MSRB3: variants seen among roughly 807,000 people sequenced by gnomAD.
MSRB3 encodes methionine sulfoxide reductase B3, also known as methionine-R-sulfoxide reductase B3.
A neutral mutation model predicts 21.0 loss-of-function variants in MSRB3; 13 were observed. The ratio of observed to expected loss-of-function variants is 0.62; its 90% CI spans 0.40 to 0.98. MSRB3 has a LOEUF of 0.98. Among genes scored for constraint, MSRB3 ranks in the 50% least tolerant of loss-of-function variants. MSRB3 has a pLI of 0.00. For missense variants in MSRB3, 199 were observed against 230.3 expected (o/e 0.86, Z 0.88); for synonymous variants, 87 against 88.6 (o/e 0.98, Z 0.10).
intron 1 of MSRB3, chr12:65,286,200 C>T (rs1872337255): frequency 6.6e-6 from 1 of 152,136 alleles, no homozygotes; most frequent in Non-Finnish European, 1.5e-5. Context: ...TATGGATACT[C>T]TCAGGAAGTT....
chr12:65,415,410 C>A (rs34363757), intron 5 of MSRB3, among the ~76,000 whole-genome samples: 9,785 of 152,162 alleles, frequency 0.064, 428 homozygotes, highest in Non-Finnish European at 0.092. Flanking sequence ...AGATGTTTGA[C>A]AGAAGGCCAT....
chr12:65,315,406 G>A (rs1037592574), intron 2 of MSRB3, among the ~76,000 whole-genome samples: 1 of 151,936 alleles, frequency 6.6e-6, no homozygotes, highest in African/African-American at 2.4e-5. Context: ...CGCGGTGGTC[G>A]TACCTGTAAT....
chr12:65,296,136 A>C (rs975462136), intron 1 of MSRB3, among the ~76,000 whole-genome samples: 1 of 152,246 alleles, frequency 6.6e-6, no homozygotes, highest in African/African-American at 2.4e-5. Flanking sequence ...AGTTGGTCAC[A>C]AAATTTGAAA....
intron 1 of MSRB3, chr12:65,286,567 A>G (rs369994966): frequency 2.6e-5 from 4 of 152,254 alleles, no homozygotes; most frequent in South Asian, 2.1e-4. Flanking sequence ...TATAGCCGTG[A>G]CATGTCTTCT....
chr12:65,430,712 T>C (rs1220104216), intron 5 of MSRB3, among the ~76,000 whole-genome samples: 2 of 152,108 alleles, frequency 1.3e-5, no homozygotes, highest in African/African-American at 4.8e-5. Flanking sequence ...CCTTCAATTC[T>C]TATAGCTTCT....
At position 65,326,920 on chromosome 12, in the gene MSRB3, G is replaced by C. The variant is rs1279954812; in HGVS notation, c.171G>C (p.Glu57Asp). 1 of 1,612,732 alleles carries C rather than the reference G, an allele frequency of 6.2e-7. No individual in the cohort carries two copies. Among genetic ancestry groups the C allele is most frequent in the East Asian group, 2.2e-5 (1 of 44,884 alleles). Residue 57 changes from glutamate (E) to aspartate (D), a missense_variant, in exon 3 of 7, where the codon GAG (glutamate) becomes GAC (aspartate). Transcript: ENST00000308259. ...LTPLQYHVTQ[E>D]KGTESAFEGE... ...CCCTGCAGTACCATGTCACTCAGGA[G>C]AAAGGGACCGAAAGGTAAGGTGAGC... is the stretch of plus-strand genomic sequence containing the variant.
intron 4 of MSRB3, among the ~76,000 whole-genome samples, chr12:65,332,961 G>A (rs1202914732): frequency 2.6e-5 from 4 of 152,060 alleles, no homozygotes; most frequent in Non-Finnish European, 4.4e-5. Flanking sequence ...ATTTTACCAA[G>A]CTAGTTTATT....
intron 6 of MSRB3, among the ~76,000 whole-genome samples, chr12:65,462,791 AGTAAT>A (rs1883387670): frequency 6.6e-6 from 1 of 152,214 alleles, no homozygotes; most frequent in Admixed American, 6.5e-5. Context: ...CAAAGCCAAA[AGTAAT>A]GCCGGGGGAA....
At chr12:65,364,794 A>G (rs1324740443) in intron 4 of MSRB3, among the ~76,000 whole-genome samples, 3 of 152,180 alleles carry the variant, frequency 2.0e-5, no homozygotes, top group Non-Finnish European at 2.9e-5. Flanking sequence ...TCTAATAGGA[A>G]TCTGAATTAA....
chr12:65,379,643 G>A (rs1878831957), intron 5 of MSRB3, among the ~76,000 whole-genome samples: 1 of 152,050 alleles, frequency 6.6e-6, no homozygotes, highest in Non-Finnish European at 1.5e-5. Flanking sequence ...TTTATATGGT[G>A]GCTTTTGCTC....
rs146575458 is a variant in MSRB3, at chr12:65,394,762, G to A, written c.292+25736G>A. ...AGTGTGATTTATCTTAGGAATGCAA[G>A]GTTGGTTTGACATTGAACAGTCTAT... is the stretch of plus-strand genomic sequence containing the variant. On this transcript the variant is annotated intron_variant, in intron 5 of 6. Transcript: ENST00000308259. 1.1e-4 allele frequency among the ~76,000 whole-genome samples: 17 copies of A among 152,298 alleles called. 1 individual carries two copies. The highest frequency in any genetic ancestry group is 3.4e-3 in the Middle Eastern group (1 of 294).
At chr12:65,349,760 GT>G in intron 4 of MSRB3, among the ~76,000 whole-genome samples, 1 of 150,820 alleles carries the variant, frequency 6.6e-6, no homozygotes, top group Admixed American at 6.6e-5. Flanking sequence ...GGGGTTGTTT[GT>G]TTTTTTCTTG....
intron 5 of MSRB3, among the ~76,000 whole-genome samples, chr12:65,441,141 A>C (rs1340064219): frequency 2.6e-5 from 4 of 151,980 alleles, no homozygotes; most frequent in Middle Eastern, 3.4e-3. Flanking sequence ...AACACTCTTC[A>C]TGTGATGACA....
intron 5 of MSRB3, among the ~76,000 whole-genome samples, chr12:65,438,137 T>C (rs1288257074): frequency 1.3e-5 from 2 of 151,896 alleles, no homozygotes; most frequent in Non-Finnish European, 2.9e-5. Context: ...AGCTGAAAAA[T>C]TCTTTCTGAT....
At chr12:65,418,454 T>A (rs1881096819) in intron 5 of MSRB3, among the ~76,000 whole-genome samples, 1 of 152,314 alleles carries the variant, frequency 6.6e-6, no homozygotes, top group Middle Eastern at 3.4e-3. Context: ...CTATAGGTTG[T>A]CTCTTTGTTG....
intron 5 of MSRB3, among the ~76,000 whole-genome samples, chr12:65,443,092 A>G (rs1409708895): frequency 6.6e-6 from 1 of 152,128 alleles, no homozygotes; most frequent in African/African-American, 2.4e-5. Flanking sequence ...TTGAGATTGC[A>G]AGAAAACTGT....
chr12:65,393,630 CAAAAA>C (rs59417371), intron 5 of MSRB3, among the ~76,000 whole-genome samples: 4,987 of 90,654 alleles, frequency 0.055, 94 homozygotes, highest in Non-Finnish European at 0.063. Context: ...GACTCCGTCG[CAAAAA>C]AAAAAAAAAA....
chr12:65,377,154 T>G (rs1714114274), intron 5 of MSRB3, among the ~76,000 whole-genome samples: 1 of 152,258 alleles, frequency 6.6e-6, no homozygotes, highest in Non-Finnish European at 1.5e-5. Context: ...TGTTTCTTTG[T>G]GCAAATGCTG....
At chr12:65,364,953 C>T (rs1030182902) in intron 4 of MSRB3, among the ~76,000 whole-genome samples, 1 of 151,984 alleles carries the variant, frequency 6.6e-6, no homozygotes, top group African/African-American at 2.4e-5. Context: ...TAAATTGATA[C>T]CCAAGGCCAT....
Sources: gnomAD v4.1 joint callset for allele counts (sites outside exome capture counted in the v4.1 genomes callset) on GRCh38, gnomAD v4.1.1 for gene constraint, MANE v1.5 for transcripts, NCBI Gene and HGNC (gene_info 2026-07-23, HGNC 2026-07-21) for gene names.